SORCS1: variants seen among roughly 807,000 people sequenced by gnomAD.
SORCS1 encodes VPS10 domain-containing receptor SorCS1.
SORCS1 carries 60 observed loss-of-function variants against 146.1 expected under a neutral mutation model. The ratio of observed to expected loss-of-function variants is 0.41; its 90% CI spans 0.33 to 0.51. The LOEUF (loss-of-function observed/expected upper bound fraction) is 0.51. Ranked by LOEUF, SORCS1 falls within the 20% of genes least tolerant of loss-of-function variation. The probability of loss-of-function intolerance (pLI) is 0.21; values close to 1 mark genes in which losing one functional copy is unlikely to be tolerated. For synonymous variants in SORCS1, 637 were observed against 584.0 expected (o/e 1.09, Z -1.31); for missense variants, 1,352 against 1,487.6 (o/e 0.91, Z 1.50).
At chr10:107,178,010 G>GA in the SORCS1 span, among the ~76,000 whole-genome samples, 2 of 152,186 alleles carry the variant, frequency 1.3e-5, no homozygotes, top group East Asian at 3.9e-4. Context: ...GGAGCATTGG[G>GA]GGTGGGAGGA....
intron 2 of SORCS1, among the ~76,000 whole-genome samples, chr10:106,860,027 C>T (rs1949951093): frequency 6.6e-6 from 1 of 152,142 alleles, no homozygotes; most frequent in Admixed American, 6.5e-5. Flanking sequence ...TTGGGTTTTG[C>T]ATTTCCTTTT....
Position 106,699,397 on chromosome 10 carries a change from T to C in SORCS1, c.1234-4A>G. The C allele has an allele frequency of 6.2e-7, 1 of 1,604,694 alleles. No individual in the cohort carries two copies. The highest frequency in any genetic ancestry group is 8.5e-7 in the Non-Finnish European group (1 of 1,175,370). ...CGGTGCTGATAACATGCATGTCCTG[T>C]GAAAAGACACAAGGTCGTGAAGAGG... On this transcript the variant is annotated splice_region_variant and splice_polypyrimidine_tract_variant and intron_variant, in intron 8 of 25. Transcript: ENST00000263054.
intron 2 of SORCS1, among the ~76,000 whole-genome samples, chr10:106,842,609 T>A (rs1949101524): frequency 6.6e-6 from 1 of 152,160 alleles, no homozygotes; most frequent in African/African-American, 2.4e-5. Context: ...TTCTTAATGT[T>A]GAGTTTTCTC....
intron 1 of SORCS1, among the ~76,000 whole-genome samples, chr10:107,112,094 C>T (rs568692525): frequency 6.1e-4 from 92 of 151,906 alleles, no homozygotes; most frequent in African/African-American, 2.0e-3. Context: ...TAGTCAAATT[C>T]GGAATATCCT....
At chr10:106,917,066 T>C (rs1014685131) in intron 2 of SORCS1, among the ~76,000 whole-genome samples, 2 of 152,184 alleles carry the variant, frequency 1.3e-5, no homozygotes, top group Non-Finnish European at 2.9e-5. Context: ...TTCTTTTTTA[T>C]CCTGTCATTT....
chr10:107,147,356 C>T (rs1968414702), intron 1 of SORCS1, among the ~76,000 whole-genome samples: 1 of 152,190 alleles, frequency 6.6e-6, no homozygotes, highest in Admixed American at 6.5e-5. Flanking sequence ...TTTGGCAGTG[C>T]TAGCCCTGAC....
chr10:106,753,876 G>A (rs139535224), intron 5 of SORCS1, among the ~76,000 whole-genome samples: 18 of 152,226 alleles, frequency 1.2e-4, no homozygotes, highest in African/African-American at 4.3e-4. Context: ...GATAACACAG[G>A]CTCTCTAGCC....
chr10:107,074,590 A>G (rs1962725487), intron 1 of SORCS1, among the ~76,000 whole-genome samples: 1 of 152,210 alleles, frequency 6.6e-6, no homozygotes, highest in Non-Finnish European at 1.5e-5. Flanking sequence ...TCATTTGGTA[A>G]GAGTATGATT....
chr10:106,959,999 C>T (rs1430833240), intron 1 of SORCS1, among the ~76,000 whole-genome samples: 1 of 152,198 alleles, frequency 6.6e-6, no homozygotes, highest in East Asian at 1.9e-4. Context: ...TGCATATGAA[C>T]ATATATACCC....
intron 2 of SORCS1, among the ~76,000 whole-genome samples, chr10:106,890,509 G>A (rs530715533): frequency 7.2e-5 from 11 of 152,238 alleles, no homozygotes; most frequent in South Asian, 4.1e-4. Context: ...GATCGCTAGC[G>A]ATGAGTATGT....
chr10:106,668,832 G>A (rs1482578894), intron 16 of SORCS1, among the ~76,000 whole-genome samples: 2 of 152,106 alleles, frequency 1.3e-5, no homozygotes, highest in African/African-American at 4.8e-5. Flanking sequence ...ATGCTGGAGA[G>A]GGACAGGCAA....
chr10:107,021,328 T>A (rs1419661199), intron 1 of SORCS1, among the ~76,000 whole-genome samples: 1 of 151,612 alleles, frequency 6.6e-6, no homozygotes, highest in African/African-American at 2.4e-5. Context: ...CTGGTTAACA[T>A]GGTGAAACCC....
chr10:106,902,180 T>G (rs1951735817), intron 2 of SORCS1, among the ~76,000 whole-genome samples: 1 of 152,214 alleles, frequency 6.6e-6, no homozygotes, highest in African/African-American at 2.4e-5. Flanking sequence ...TGGTGAAATC[T>G]ATTTGAAAAT....
At chr10:106,655,159 C>G (rs548139340) in intron 17 of SORCS1, among the ~76,000 whole-genome samples, 10 of 152,238 alleles carry the variant, frequency 6.6e-5, no homozygotes. Context: ...CTGGCCTCAT[C>G]TGATATTTAT....
At chr10:106,974,868 G>T (rs546364732) in intron 1 of SORCS1, among the ~76,000 whole-genome samples, 72 of 152,276 alleles carry the variant, frequency 4.7e-4, no homozygotes, top group African/African-American at 1.7e-3. Context: ...ACAGTTCCTT[G>T]GGAGCTAAAC....
At chr10:106,863,350 C>A (rs1412002183) in intron 2 of SORCS1, among the ~76,000 whole-genome samples, 1 of 152,028 alleles carries the variant, frequency 6.6e-6, no homozygotes, top group Admixed American at 6.5e-5. Context: ...CATGGTGAAA[C>A]CCTGTCTGTA....
chr10:106,891,113 T>G (rs935130695), intron 2 of SORCS1, among the ~76,000 whole-genome samples: 1 of 152,162 alleles, frequency 6.6e-6, no homozygotes, highest in Non-Finnish European at 1.5e-5. Context: ...AGCAACATGG[T>G]TCCCGTATTA....
chr10:107,136,344 C>T (rs1480440351), intron 1 of SORCS1, among the ~76,000 whole-genome samples: 1 of 152,136 alleles, frequency 6.6e-6, no homozygotes, highest in Non-Finnish European at 1.5e-5. Context: ...AATGAGAGAA[C>T]GGAGCTCAAA....
chr10:106,689,823 G>A (rs1472629585), intron 9 of SORCS1, among the ~76,000 whole-genome samples: 1 of 152,168 alleles, frequency 6.6e-6, no homozygotes, highest in African/African-American at 2.4e-5. Flanking sequence ...GGTTTCAATC[G>A]ATAGAAGACA....
Sources: allele counts gnomAD v4.1 joint callset (sites outside exome capture counted in the v4.1 genomes callset), GRCh38; gene constraint gnomAD v4.1.1; transcripts MANE v1.5; gene names NCBI Gene and HGNC (gene_info 2026-07-23, HGNC 2026-07-21).